Variants in CLEC17A observed in about 807,000 individuals in gnomAD.
The protein encoded by CLEC17A is C-type lectin domain family 17, member A.
Under a neutral mutation model 61.3 loss-of-function variants are expected in CLEC17A, and 37 were observed. The observed-to-expected ratio is 0.60, with a 90% CI of 0.46 to 0.79. The LOEUF is 0.79. CLEC17A is among the 30% of genes least tolerant of loss of function. CLEC17A has a pLI of 0.00. For missense variants in CLEC17A, 418 were observed against 464.7 expected (o/e 0.90, Z 0.92); for synonymous variants, 168 against 164.9 (o/e 1.02, Z -0.14).
At chr19:14,603,305 G>A (rs10417828) in intron 12 of CLEC17A, among the ~76,000 whole-genome samples, 1 of 151,934 alleles carries the variant, frequency 6.6e-6, no homozygotes, top group Non-Finnish European at 1.5e-5. Context: ...ACTCCAAACT[G>A]GTATCTACTG....
chr19:14,607,148 C>T (rs780262916), intron 13 of CLEC17A, 46 bp downstream of exon 13: 11 of 933,374 alleles, frequency 1.2e-5, no homozygotes, highest in South Asian at 3.8e-5. Flanking sequence ...CTCTGTGGGC[C>T]CTGACCATGG....
intron 3 of CLEC17A, among the ~76,000 whole-genome samples, chr19:14,591,454 C>CT (rs373996376): frequency 0.029 from 4,110 of 140,000 alleles, 90 homozygotes; most frequent in South Asian, 0.065. Context: ...GCGCCTGGCC[C>CT]TTTTTTTTGA....
chr19:14,607,456 G>A (rs1352444656), intron 13 of CLEC17A, among the ~76,000 whole-genome samples: 7 of 151,980 alleles, frequency 4.6e-5, no homozygotes, highest in Middle Eastern at 3.4e-3. Context: ...GCCCGCCTTG[G>A]CCTCCCAAAG....
At chr19:14,583,038 T>C (rs1225298327), upstream of CLEC17A, 3 of 979,254 alleles carry the variant, frequency 3.1e-6, no homozygotes, top group East Asian at 2.5e-5. Context: ...AAAATGAATT[T>C]GCATGTATTT....
At chr19:14,600,474 A>G (rs1031694603) in intron 12 of CLEC17A, among the ~76,000 whole-genome samples, 1 of 152,148 alleles carries the variant, frequency 6.6e-6, no homozygotes, top group African/African-American at 2.4e-5. Context: ...AGCACTTTTT[A>G]TGTTTCAGGT....
Position 14,590,990 on chromosome 19 carries a change from G to A in CLEC17A, c.200-1291G>A, listed in dbSNP as rs572261175. On this transcript the variant is annotated intron_variant, in intron 3 of 13. Transcript: ENST00000417570. The stretch of plus-strand genomic sequence containing the variant: ...TGGGATTATAGGCATGAGCCACTGC[G>A]CCCAGCCTATTTCTGCGTCTCTTTA... Among the ~76,000 whole-genome samples, 10 of 151,732 alleles carry A rather than the reference G, an allele frequency of 6.6e-5. 1 individual carries two copies. Among genetic ancestry groups the A allele is most frequent in the South Asian group, 4.2e-4 (2 of 4,808 alleles).
At chr19:14,592,130 A>T (rs2074435766) in intron 3 of CLEC17A, 151 bp from the exon 4 acceptor site, 3 of 1,245,308 alleles carry the variant, frequency 2.4e-6, no homozygotes, top group African/African-American at 3.0e-5. Flanking sequence ...CCCACCAGGT[A>T]AGGCCCTGGC....
intron 13 of CLEC17A, 22 bp downstream of exon 13, chr19:14,607,124 G>T: frequency 1.7e-6 from 2 of 1,179,824 alleles, no homozygotes; most frequent in Middle Eastern, 2.3e-4. Context: ...GGTTTCCTGG[G>T]GTCTCTCTGC....
At position 14,610,225 on chromosome 19, in the gene CLEC17A, T is replaced by C. The variant is rs2075015508; in HGVS notation, c.*29T>C. ...CCAGGGCCGAGGCTGGGGGTCCATATCTGAGTGTCTCTTTGAGATGAGAAT... is the reference window on the plus strand; with the variant it reads ...CCAGGGCCGAGGCTGGGGGTCCATACCTGAGTGTCTCTTTGAGATGAGAAT... On this transcript the variant is annotated 3_prime_UTR_variant, in exon 14 of 14. Transcript: ENST00000417570. 8 of 1,547,534 alleles carry C rather than the reference T, an allele frequency of 5.2e-6. No individual in the cohort carries two copies. In the Admixed American group the frequency reaches 1.6e-4, roughly 30 times the overall value.
At chr19:14,596,709 GCCT>G (rs1171574715) in intron 8 of CLEC17A, among the ~76,000 whole-genome samples, 164 bp from the exon 9 acceptor site, 1 of 152,144 alleles carries the variant, frequency 6.6e-6, no homozygotes, top group Non-Finnish European at 1.5e-5. Context: ...AAGACCCTGA[GCCT>G]CCCCAGGGTT....
At chr19:14,594,898 G>C in intron 7 of CLEC17A, 98 bp downstream of exon 7, 10 of 1,178,362 alleles carry the variant, frequency 8.5e-6, no homozygotes, top group Non-Finnish European at 1.1e-5. Flanking sequence ...TTTTGAGACA[G>C]AGTCTCACTG....
intron 4 of CLEC17A, among the ~76,000 whole-genome samples, chr19:14,592,907 C>T (rs2074456256): frequency 6.6e-6 from 1 of 152,056 alleles, no homozygotes; most frequent in Admixed American, 6.6e-5. Context: ...CTCAAGTGAT[C>T]CGCCTGCCTT....
intron 4 of CLEC17A, 163 bp from the exon 5 acceptor site, chr19:14,594,354 T>A: frequency 2.5e-6 from 2 of 809,886 alleles, no homozygotes; most frequent in East Asian, 5.4e-5. Context: ...GTCACCCTAC[T>A]TAATCCCATC....
At position 14,611,647 on chromosome 19, in the gene CLEC17A, G is replaced by A. The variant is rs1599590333; in HGVS notation, c.*1451G>A. Among the ~76,000 whole-genome samples, 1 of 152,058 alleles carries A rather than the reference G, an allele frequency of 6.6e-6. No homozygotes were observed. Among genetic ancestry groups the A allele is most frequent in the Non-Finnish European group, 1.5e-5 (1 of 67,996 alleles). On this transcript the variant is annotated 3_prime_UTR_variant, in exon 14 of 14. Transcript: ENST00000417570. Reference sequence around the variant, plus strand: ...GTCATATCCACACAGGACAACGATGGACCTATCTGCCAGCACGTGCCCTTG... The same window carrying A: ...GTCATATCCACACAGGACAACGATGAACCTATCTGCCAGCACGTGCCCTTG...
At chr19:14,606,595 G>A (rs74182233) in intron 12 of CLEC17A, among the ~76,000 whole-genome samples, 18,525 of 150,388 alleles carry the variant, frequency 0.12, 1,494 homozygotes, top group African/African-American at 0.24. Flanking sequence ...CGGGAGAATC[G>A]CTTGAACCCA....
chr19:14,595,166 A>G, intron 7 of CLEC17A, 108 bp from the exon 8 acceptor site: 2 of 1,315,142 alleles, frequency 1.5e-6, no homozygotes, highest in South Asian at 2.5e-5. Flanking sequence ...GCCACTGCCC[A>G]CAGCCAGCCC....
At chr19:14,597,500 T>C (rs181239736) in intron 10 of CLEC17A, among the ~76,000 whole-genome samples, 3 of 152,266 alleles carry the variant, frequency 2.0e-5, no homozygotes, top group Non-Finnish European at 4.4e-5. Flanking sequence ...CCAGCACTTT[T>C]GGAGGCTGAG....
intron 13 of CLEC17A, among the ~76,000 whole-genome samples, chr19:14,607,803 T>G (rs890940803): frequency 6.6e-6 from 1 of 151,766 alleles, no homozygotes; most frequent in African/African-American, 2.4e-5. Flanking sequence ...CTTGAACTCC[T>G]GACCTCAGGT....
upstream of CLEC17A, among the ~76,000 whole-genome samples, chr19:14,581,485 A>G (rs1465846285): frequency 1.4e-5 from 2 of 146,762 alleles, no homozygotes; most frequent in African/African-American, 2.6e-5. Context: ...TATCATGTCC[A>G]GCTATTCTTT....
Sources: gnomAD v4.1 joint callset for allele counts (sites outside exome capture counted in the v4.1 genomes callset) on GRCh38, gnomAD v4.1.1 for gene constraint, MANE v1.5 for transcripts, NCBI Gene and HGNC (gene_info 2026-07-23, HGNC 2026-07-21) for gene names.